Variants in GYS1 observed in about 807,000 individuals in gnomAD.
The protein encoded by GYS1 is glycogen synthase 1.
GYS1 carries 60 observed loss-of-function variants against 89.1 expected under a neutral mutation model. The ratio of observed to expected loss-of-function variants is 0.67; its 90% CI spans 0.55 to 0.84. GYS1 has a LOEUF of 0.84. GYS1 is among the 40% of genes least tolerant of loss of function. The probability of loss-of-function intolerance (pLI) is 0.00; values close to 1 mark genes in which losing one functional copy is unlikely to be tolerated. For synonymous variants in GYS1, 366 were observed against 401.7 expected (o/e 0.91, Z 1.06); for missense variants, 888 against 1,003.1 (o/e 0.89, Z 1.55).
In GYS1 at chr19:48,969,805, G is replaced by C. The variant is rs1294493377; in HGVS notation, c.1860C>G (p.His620Gln). Residue 620 changes from histidine (H) to glutamine (Q), a missense_variant, in exon 15 of 16, where the codon CAC becomes CAG. His to Gln is a conservative substitution (Grantham distance 24). Coordinates refer to ENST00000323798, the MANE Select transcript of GYS1 (RefSeq NM_002103.5). ...HMALSKAFPE[H>Q]FTYEPNEADA... ...CCGCCTCGTTGGGCTCGTAGGTGAA[G>C]TGCTCTGGAAAGGCCTTGGACAGCG... 1 of 1,614,044 alleles carries C rather than the reference G, an allele frequency of 6.2e-7. No homozygotes were observed.
Position 48,981,627 on chromosome 19 carries a change from T to C in GYS1, c.1072A>G (p.Ser358Gly), listed in dbSNP as rs758361473. The change falls in exon 8 of 16, where the codon AGC becomes GGC. Residue 358 changes from serine (S) to glycine (G), a missense_variant. Coordinates refer to ENST00000323798, the MANE Select transcript of GYS1 (RefSeq NM_002103.5). ...RLNYLLRVNG[S>G]EQTVVAFFIM... ...AAGAAGGCAACCACTGTCTGCTCGC[T>C]GCCGTTCACCTGCGCAGAAAGAAAG... 30 of 1,608,808 alleles carry C rather than the reference T, an allele frequency of 1.9e-5. No individual in the cohort carries two copies. The South Asian group carries it at 3.3e-4, about 18-fold the overall frequency.
At chr19:48,992,920 C>T (rs2038961737) in intron 1 of GYS1, 75 bp downstream of exon 1, 1 of 869,434 alleles carries the variant, frequency 1.2e-6, no homozygotes, top group African/African-American at 1.6e-5. Context: ...GCCCCGTCCT[C>T]CTACAACTCA....
At position 48,970,976 on chromosome 19, in the gene GYS1, C is replaced by T; in HGVS notation, c.1597G>A (p.Gly533Ser). Reference protein sequence around the residue: ...GIPSISTNLSGFGCFMEEHIA... With the variant: ...GIPSISTNLSSFGCFMEEHIA... ...TGTTCCTCCATGAAGCAGCCGAAGCCGGAGAGATTGGTGGAGATACTGGGG... is the reference window on the plus strand; with the variant it reads ...TGTTCCTCCATGAAGCAGCCGAAGCTGGAGAGATTGGTGGAGATACTGGGG... The change falls in exon 13 of 16, where the codon GGC (glycine) becomes AGC (serine). Residue 533 changes from glycine to serine, a missense_variant. Physicochemically the swap from Gly to Ser is moderately conservative, Grantham distance 56 (BLOSUM62 0). Coordinates refer to ENST00000323798, the MANE Select transcript of GYS1 (RefSeq NM_002103.5). 3 of 1,614,056 alleles carry T rather than the reference C, an allele frequency of 1.9e-6. No homozygotes were observed. Among genetic ancestry groups the T allele is most frequent in the South Asian group, 1.1e-5 (1 of 91,072 alleles).
rs138874072 is a variant in GYS1 at position 48,976,640 on chromosome 19, G to A, written c.1308+1284C>T. Among the ~76,000 whole-genome samples the A allele has an allele frequency of 8.5e-3, 1,292 of 152,248 alleles. 8 individuals carry two copies. The highest frequency in any genetic ancestry group is 0.029 in the South Asian group (139 of 4,820). The stretch of plus-strand genomic sequence containing the variant: ...CCTGACTGCGTCCCTAAAGTGGCCC[G>A]ATAAAACTACCACTCCCAGCAGTTT... On this transcript the variant is annotated intron_variant, in intron 10 of 15. Coordinates refer to ENST00000323798, the MANE Select transcript of GYS1 (RefSeq NM_002103.5).
rs541600913 is a variant in GYS1, at chr19:48,981,724, T to G, written c.1063-88A>C. ...CTTTCTGTCAAGACCACTGGGATCCTGCCATACCCATTCCTGTCAAGGAGA... is the reference window on the plus strand; with the variant it reads ...CTTTCTGTCAAGACCACTGGGATCCGGCCATACCCATTCCTGTCAAGGAGA... On this transcript the variant is annotated intron_variant, in intron 7 of 15. Coordinates refer to ENST00000323798, the MANE Select transcript of GYS1 (RefSeq NM_002103.5). 395 of 805,750 alleles carry G rather than the reference T, an allele frequency of 4.9e-4. 1 individual carries two copies. In the African/African-American group the frequency reaches 6.2e-3, roughly 13 times the overall value. 49.9% of individuals were successfully genotyped at this position (805,750 alleles called of 1,614,324 possible).
At chr19:48,973,733 G>A (rs2038601240) in intron 12 of GYS1, among the ~76,000 whole-genome samples, 1 of 151,996 alleles carries the variant, frequency 6.6e-6, no homozygotes, top group Admixed American at 6.6e-5. Context: ...TGGCCAGGCT[G>A]GTCTCAAACT....
Position 48,991,636 on chromosome 19 carries a change from G to T in GYS1, c.119-153C>A. ...TGGGAGCCCATAGTTTGGAGTAGGG[G>T]TTGGAAGCTTGGATGAGGGGAACAC... On this transcript the variant is annotated intron_variant, in intron 1 of 15. Coordinates refer to ENST00000323798, the MANE Select transcript of GYS1 (RefSeq NM_002103.5). This position sits in a 1 kb window ranked among gnomAD's most constrained non-coding sequence, Gnocchi z 4.7. The T allele has an allele frequency of 1.3e-6, 1 of 785,776 alleles. No homozygotes were observed. Among genetic ancestry groups the T allele is most frequent in the Non-Finnish European group, 2.1e-6 (1 of 484,218 alleles). The allele number at this position is 785,776 out of a possible 1,614,324, so 48.7% of individuals were successfully genotyped here.
At chr19:48,975,911 CAAAAAAAAAAAAAA>C (rs760164673) in intron 10 of GYS1, among the ~76,000 whole-genome samples, 57 of 41,362 alleles carry the variant, frequency 1.4e-3, no homozygotes, top group South Asian at 0.013. Flanking sequence ...GACTCCGTCT[CAAAAAAAAAAAAAA>C]AAAAAAAAAA....
chr19:48,986,258 G>C (rs367571535), intron 3 of GYS1, among the ~76,000 whole-genome samples: 4 of 152,104 alleles, frequency 2.6e-5, no homozygotes, highest in East Asian at 1.9e-4. Context: ...GCCTCCTCAG[G>C]GGTTGACAGG....
In GYS1 at chr19:48,974,221, T is replaced by A. The variant is rs2038609600; in HGVS notation, c.1541A>T (p.Tyr514Phe). 1 of 1,604,712 alleles carries A rather than the reference T, an allele frequency of 6.2e-7. No individual in the cohort carries two copies. The highest frequency in any genetic ancestry group is 1.7e-5 in the Admixed American group (1 of 58,560). Residue 514 changes from tyrosine (Y) to phenylalanine (F), a missense_variant, in exon 12 of 16, where the codon TAC becomes TTC. Physicochemically the swap from Tyr to Phe is conservative, Grantham distance 22. Transcript: ENST00000323798. ...CTGCCCACTACACTCACCCGGTGTGTAGCCCCAAGGCTCATAGTAGGAGGG... is the reference window on the plus strand; with the variant it reads ...CTGCCCACTACACTCACCCGGTGTGAAGCCCCAAGGCTCATAGTAGGAGGG... ...VFPSYYEPWG[Y>F]TPAECTVMGI...
chr19:48,992,567 A>G (rs1175968355), intron 1 of GYS1, among the ~76,000 whole-genome samples: 1 of 151,848 alleles, frequency 6.6e-6, no homozygotes, highest in Non-Finnish European at 1.5e-5. Flanking sequence ...CAGGCCTCCT[A>G]TCTCCCAGTC....
At chr19:48,982,932 G>A (rs2038789324) in intron 5 of GYS1, 95 bp from the exon 6 acceptor site, 4 of 976,462 alleles carry the variant, frequency 4.1e-6, no homozygotes, top group Non-Finnish European at 6.6e-6. Flanking sequence ...TTTGCCTTTT[G>A]CAATTTTTTT....
chr19:48,970,976 C>A lies in GYS1; in HGVS notation c.1597G>T (p.Gly533Cys), dbSNP rs1392851652. ...GIPSISTNLSGFGCFMEEHIA... is the reference protein window; with the variant it reads ...GIPSISTNLSCFGCFMEEHIA... ...TGTTCCTCCATGAAGCAGCCGAAGC[C>A]GGAGAGATTGGTGGAGATACTGGGG... is the stretch of plus-strand genomic sequence containing the variant. Residue 533 changes from glycine to cysteine, a missense_variant, in exon 13 of 16, where the codon GGC becomes TGC. Gly to Cys is a radical substitution (Grantham distance 159). Transcript: ENST00000323798. 1 of 1,614,056 alleles carries A rather than the reference C, an allele frequency of 6.2e-7. No individual in the cohort carries two copies. The highest frequency in any genetic ancestry group is 8.5e-7 in the Non-Finnish European group (1 of 1,179,954).
At chr19:48,978,064 T>C (rs2038688265) in intron 9 of GYS1, 34 bp downstream of exon 9, 4 of 1,610,352 alleles carry the variant, frequency 2.5e-6, no homozygotes, top group Non-Finnish European at 3.4e-6. Context: ...AGTCAGGGCC[T>C]AGGAGGGCAC....
intron 12 of GYS1, among the ~76,000 whole-genome samples, chr19:48,972,640 A>G (rs148372450): frequency 0.012 from 1,875 of 151,618 alleles, 37 homozygotes; most frequent in African/African-American, 0.042. Context: ...CACCACCCCC[A>G]GCTAATTTTT....
rs2122460894 is a variant in GYS1 at position 48,970,690 on chromosome 19, C to A, written c.1665G>T (p.Arg555=). 1 of 1,613,966 alleles carries A rather than the reference C, an allele frequency of 6.2e-7. No homozygotes were observed. Among genetic ancestry groups the A allele is most frequent in the South Asian group, 1.1e-5 (1 of 91,058 alleles). The change falls in exon 14 of 16, where the codon CGG becomes CGT. Residue 555 remains arginine (R), a synonymous_variant. Transcript: ENST00000323798. ...PSAYGIYILD[R]RFRSLDDSCS... ...AGGAATCATCCAGGCTGCGGAACCG[C>A]CGGTCAAGAATGTAGATACCTGTGG...
chr19:48,968,156 A>T lies in GYS1; in HGVS notation c.*1132T>A, dbSNP rs752738888. On this transcript the variant is annotated 3_prime_UTR_variant, in exon 16 of 16. Coordinates refer to ENST00000323798, the MANE Select transcript of GYS1 (RefSeq NM_002103.5). ...TCTTAAATATAGATGTATTTTTTTC[A>T]TCTCATCTCCGGACACACTCCAATC... 4.5e-6 allele frequency: 2 copies of T among 448,842 alleles called. No homozygotes were observed. Among genetic ancestry groups the T allele is most frequent in the Admixed American group, 2.4e-5 (1 of 41,214 alleles). The allele number at this position is 448,842 out of a possible 1,614,324, so 27.8% of individuals were successfully genotyped here.
At position 48,987,251 on chromosome 19, in the gene GYS1, G is replaced by A. The variant is rs748553600; in HGVS notation, c.435C>T (p.Asp145=). 1.9e-6 allele frequency: 3 copies of A among 1,613,472 alleles called. No homozygotes were observed. The highest frequency in any genetic ancestry group is 3.3e-5 in the Admixed American group (2 of 59,942). Residue 145 remains aspartate (D), a synonymous_variant, in exon 3 of 16, where the codon GAC becomes GAT. Coordinates refer to ENST00000323798, the MANE Select transcript of GYS1 (RefSeq NM_002103.5). ...DTCNIGVPWY[D]REANDAVLFG... ...AGAGGACAGCGTCGTTGGCCTCGCG[G>A]TCGTACCACGGCACTCCGATGTTGC...
At position 48,968,489 on chromosome 19, in the gene GYS1, T is replaced by C; in HGVS notation, c.*799A>G. 2.2e-6 allele frequency: 1 copy of C among 454,562 alleles called. No individual in the cohort carries two copies. The highest frequency in any genetic ancestry group is 4.4e-6 in the Non-Finnish European group (1 of 226,782). The allele number at this position is 454,562 out of a possible 1,614,324, so 28.2% of individuals were successfully genotyped here. On this transcript the variant is annotated 3_prime_UTR_variant, in exon 16 of 16. Transcript: ENST00000323798. ...AGGGGTGGGGGAAGACAGCCAGCTC[T>C]GTCCTCTGCAGGCGGATTCCCTGGA...
Sources: gnomAD v4.1 joint callset for allele counts (sites outside exome capture counted in the v4.1 genomes callset) on GRCh38, gnomAD v4.1.1 for gene constraint, Gnocchi (gnomAD v3.1) non-coding constraint, MANE v1.5 for transcripts, NCBI Gene and HGNC (gene_info 2026-07-23, HGNC 2026-07-21) for gene names.